The following NUDCD1 variants were observed in gnomAD, a reference collection of about 807,000 sequenced individuals.
NUDCD1 encodes nudC domain-containing protein 1.
A neutral mutation model predicts 67.8 loss-of-function variants in NUDCD1; 60 were observed. The observed-to-expected ratio is 0.88, with a 90% confidence interval of 0.72 to 1.10. The LOEUF (loss-of-function observed/expected upper bound fraction) is 1.10. Ranked by LOEUF, NUDCD1 falls within the 50% of genes least tolerant of loss-of-function variation. NUDCD1 has a pLI of 0.00. For synonymous variants in NUDCD1, 244 were observed against 230.8 expected, an observed-to-expected ratio of 1.06 and a Z score of -0.52; for missense variants, 643 against 695.0, an observed-to-expected ratio of 0.93 and a Z score of 0.84.
At chr8:109,332,943 T>A (rs1403823486) in intron 1 of NUDCD1, among the ~76,000 whole-genome samples, 2 of 152,202 alleles carry the variant, frequency 1.3e-5, no homozygotes, top group Non-Finnish European at 2.9e-5. Flanking sequence ...TTGTATTTTG[T>A]ACATATCCCT....
chr8:109,328,170 A>G (rs79812750), intron 1 of NUDCD1, among the ~76,000 whole-genome samples: 3,171 of 152,228 alleles, frequency 0.021, 110 homozygotes, highest in African/African-American at 0.072. Flanking sequence ...CCCACCACCA[A>G]TCTAGTTTAC....
intron 8 of NUDCD1, among the ~76,000 whole-genome samples, chr8:109,269,980 C>A (rs113479625): frequency 0.065 from 9,437 of 144,846 alleles, 1,078 homozygotes; most frequent in African/African-American, 0.23. Context: ...ATCTACTGCA[C>A]CAAGCCACTC....
At chr8:109,333,057 A>G (rs1347287459) in intron 1 of NUDCD1, among the ~76,000 whole-genome samples, 1 of 152,216 alleles carries the variant, frequency 6.6e-6, no homozygotes, top group East Asian at 1.9e-4. Flanking sequence ...TCATTTTGAT[A>G]TTATCAGGAC....
chr8:109,301,173 G>A (rs925499566), intron 2 of NUDCD1, among the ~76,000 whole-genome samples: 1 of 152,144 alleles, frequency 6.6e-6, no homozygotes, highest in Admixed American at 6.5e-5. Flanking sequence ...CACAAAAGAA[G>A]TGAGAATAGT....
chr8:109,313,881 T>G, intron 2 of NUDCD1: 1 of 899,028 alleles, frequency 1.1e-6, no homozygotes, highest in Non-Finnish European at 1.6e-6. Flanking sequence ...ATTAAGATAC[T>G]TGAGTATCTA....
At chr8:109,291,341 C>G (rs542414928) in intron 4 of NUDCD1, among the ~76,000 whole-genome samples, 2 of 152,212 alleles carry the variant, frequency 1.3e-5, no homozygotes, top group Admixed American at 1.3e-4. Flanking sequence ...GACGGTGGCT[C>G]ACTATGTTGC....
intron 8 of NUDCD1, among the ~76,000 whole-genome samples, chr8:109,267,581 G>T (rs958090430): frequency 6.6e-6 from 1 of 152,034 alleles, no homozygotes; most frequent in Non-Finnish European, 1.5e-5. Context: ...CTACCATAAA[G>T]GGCTTATAAT....
chr8:109,259,114 A>G (rs1014983423), intron 8 of NUDCD1, among the ~76,000 whole-genome samples: 3 of 152,340 alleles, frequency 2.0e-5, no homozygotes, highest in African/African-American at 7.2e-5. Context: ...CTCAACTACT[A>G]TTTCAAGGAT....
chr8:109,261,125 T>C (rs1208298728), intron 8 of NUDCD1, among the ~76,000 whole-genome samples: 1 of 152,192 alleles, frequency 6.6e-6, no homozygotes, highest in African/African-American at 2.4e-5. Flanking sequence ...AGGGGAAACA[T>C]ATTCATTAGA....
chr8:109,245,322 C>T lies in NUDCD1; in HGVS notation c.1459G>A (p.Gly487Ser). ...AAATGTCAAAGAGTTTGCTTTATAC[C>T]TAAAGCATTGAAAGTTGCGATGTGC... ...WEHIATFNAL[G>S]YVQASKRDKK... The change falls in exon 9 of 10, where the codon GGC (glycine) becomes AGC (serine). Residue 487 changes from glycine (G) to serine (S), a missense_variant and splice_region_variant. Coordinates refer to ENST00000239690, the MANE Select transcript of NUDCD1 (RefSeq NM_032869.4). 3.7e-6 allele frequency: 6 copies of T among 1,610,404 alleles called. No homozygotes were observed. The highest frequency in any genetic ancestry group is 5.1e-6 in the Non-Finnish European group (6 of 1,178,080).
chr8:109,282,892 C>G (rs1330210439), intron 5 of NUDCD1, among the ~76,000 whole-genome samples: 3 of 149,982 alleles, frequency 2.0e-5, no homozygotes, highest in African/African-American at 7.4e-5. Flanking sequence ...TAAAAAAAAT[C>G]TGAATGTAGT....
At chr8:109,276,164 C>T (rs1814282611) in intron 6 of NUDCD1, among the ~76,000 whole-genome samples, 1 of 152,090 alleles carries the variant, frequency 6.6e-6, no homozygotes, top group Non-Finnish European at 1.5e-5. Flanking sequence ...ATTCCAGATG[C>T]ACTTAAAATG....
intron 8 of NUDCD1, among the ~76,000 whole-genome samples, chr8:109,259,069 T>A (rs1027892142): frequency 6.6e-6 from 1 of 152,218 alleles, no homozygotes; most frequent in Non-Finnish European, 1.5e-5. Context: ...TCTGCATATC[T>A]TTGAAGCAGA....
Position 109,278,684 on chromosome 8 carries a change from TCCA to T in NUDCD1, c.1028+2281_1028+2283del, listed in dbSNP as rs1814356187. Among the ~76,000 whole-genome samples the T allele has an allele frequency of 7.9e-5, 12 of 152,342 alleles. No homozygotes were observed. In the South Asian group the frequency reaches 2.5e-3, roughly 32 times the overall value. On this transcript the variant is annotated intron_variant, in intron 6 of 9. Coordinates refer to ENST00000239690, the MANE Select transcript of NUDCD1 (RefSeq NM_032869.4). The stretch of plus-strand genomic sequence containing the variant: ...ATTTTTTGTCTTTGGCTTCTTTCAC[TCCA>T]CATGTTTTTAATTCATTCATATTGC...
chr8:109,263,079 A>AAAAAAAAG, intron 8 of NUDCD1, among the ~76,000 whole-genome samples: 1 of 147,790 alleles, frequency 6.8e-6, no homozygotes, highest in Non-Finnish European at 1.5e-5. Context: ...AAAAAAAAAA[A>AAAAAAAAG]CCCTGAACCC....
At chr8:109,252,947 G>C (rs536475922) in intron 8 of NUDCD1, among the ~76,000 whole-genome samples, 1 of 152,104 alleles carries the variant, frequency 6.6e-6, no homozygotes, top group African/African-American at 2.4e-5. Context: ...AAAAAGCTTA[G>C]GATTTCAACT....
At chr8:109,311,078 T>G (rs553671237) in intron 2 of NUDCD1, among the ~76,000 whole-genome samples, 7 of 151,984 alleles carry the variant, frequency 4.6e-5, no homozygotes, top group Non-Finnish European at 8.8e-5. Flanking sequence ...CCTCCCAAAG[T>G]GCTGGGATTA....
At chr8:109,274,697 GCA>G (rs1170790110) in intron 7 of NUDCD1, among the ~76,000 whole-genome samples, 30 of 151,988 alleles carry the variant, frequency 2.0e-4, no homozygotes, top group African/African-American at 6.5e-4. Context: ...AATAATTTTT[GCA>G]CAGTCTTCCT....
intron 2 of NUDCD1, among the ~76,000 whole-genome samples, chr8:109,302,186 G>T (rs991668266): frequency 6.6e-6 from 1 of 151,828 alleles, no homozygotes; most frequent in African/African-American, 2.4e-5. Context: ...CTGCAACATC[G>T]CCTGGCCCCA....
Sources: allele counts gnomAD v4.1 joint callset (sites outside exome capture counted in the v4.1 genomes callset), GRCh38; gene constraint gnomAD v4.1.1; transcripts MANE v1.5; gene names NCBI Gene and HGNC (gene_info 2026-07-23, HGNC 2026-07-21).